Variants in NAV2 observed in about 807,000 individuals in gnomAD.
NAV2 encodes the protein helicase, APC down-regulated 1.
A neutral mutation model predicts 223.2 loss-of-function variants in NAV2; 54 were observed. The ratio of observed to expected loss-of-function variants is 0.24; its 90% confidence interval spans 0.19 to 0.30. The LOEUF is 0.30. Among genes scored for constraint, NAV2 ranks in the 10% least tolerant of loss-of-function variants. NAV2 has a pLI of 1.00. For synonymous variants in NAV2, 1,279 were observed against 1,239.3 expected (o/e 1.03, Z -0.67); for missense variants, 2,806 against 3,147.5 (o/e 0.89, Z 2.60).
intron 1 of NAV2, among the ~76,000 whole-genome samples, chr11:19,405,276 A>T (rs1849847749): frequency 6.6e-6 from 1 of 152,116 alleles, no homozygotes; most frequent in Non-Finnish European, 1.5e-5. Context: ...ATTTCCCCCA[A>T]ACAAATAGGG....
At chr11:19,935,052 T>G (rs1490985443) in intron 7 of NAV2, among the ~76,000 whole-genome samples, 1 of 152,144 alleles carries the variant, frequency 6.6e-6, no homozygotes, top group Non-Finnish European at 1.5e-5. Flanking sequence ...CACCCCTTGC[T>G]GAATGAGGCA....
intron 1 of NAV2, among the ~76,000 whole-genome samples, chr11:19,579,842 T>C (rs745453547): frequency 6.6e-6 from 1 of 152,182 alleles, no homozygotes; most frequent in African/African-American, 2.4e-5. Flanking sequence ...GGACACCACC[T>C]TGGAGACAAG....
intron 1 of NAV2, among the ~76,000 whole-genome samples, chr11:19,776,571 G>T (rs1037575854): frequency 1.6e-5 from 2 of 125,060 alleles, no homozygotes; most frequent in Non-Finnish European, 1.7e-5. Flanking sequence ...TGTGGGCTGG[G>T]GCAGGGGTGT....
chr11:19,492,501 G>T (rs908092215), intron 1 of NAV2, among the ~76,000 whole-genome samples: 4 of 152,034 alleles, frequency 2.6e-5, no homozygotes, highest in Admixed American at 1.3e-4. Flanking sequence ...TGTAGTTCTA[G>T]CAGCCATCTT....
At chr11:19,877,764 G>A (rs1173404381) in intron 4 of NAV2, among the ~76,000 whole-genome samples, 2 of 152,074 alleles carry the variant, frequency 1.3e-5, no homozygotes, top group African/African-American at 4.8e-5. Flanking sequence ...GAGCCACCGT[G>A]CCTGGCCGGC....
At chr11:19,832,355 A>T in intron 1 of NAV2, 129 bp from the exon 2 acceptor site, 1 of 706,652 alleles carries the variant, frequency 1.4e-6, no homozygotes, top group Non-Finnish European at 2.5e-6. Flanking sequence ...ACTGAATTTT[A>T]ATGGTGCTGG....
chr11:19,468,041 T>A (rs1338070457), intron 1 of NAV2, among the ~76,000 whole-genome samples: 1 of 151,940 alleles, frequency 6.6e-6, no homozygotes, highest in Non-Finnish European at 1.5e-5. Context: ...ATGAGGGTAA[T>A]GGTACATGGA....
chr11:19,345,798 C>A (rs571358562), upstream of NAV2, among the ~76,000 whole-genome samples: 2 of 152,196 alleles, frequency 1.3e-5, no homozygotes, highest in Non-Finnish European at 2.9e-5. The surrounding 1 kb of genome is among the most constrained non-coding windows in gnomAD (Gnocchi z 5.2). Context: ...TCTGGGCGTA[C>A]GTGCCTGAGG....
At chr11:19,639,907 G>A (rs1047362077) in intron 1 of NAV2, among the ~76,000 whole-genome samples, 1 of 152,206 alleles carries the variant, frequency 6.6e-6, no homozygotes, top group Non-Finnish European at 1.5e-5. Flanking sequence ...TCTATCTAAG[G>A]CCTGGTTGGC....
intron 1 of NAV2, among the ~76,000 whole-genome samples, chr11:19,514,786 A>G (rs2043391140): frequency 6.6e-6 from 1 of 151,976 alleles, no homozygotes; most frequent in Non-Finnish European, 1.5e-5. Context: ...CAAAGAGGGA[A>G]AAGCTTTGGA....
At chr11:20,081,626 ATAT>A (rs2060098299) in intron 25 of NAV2, among the ~76,000 whole-genome samples, 1 of 152,152 alleles carries the variant, frequency 6.6e-6, no homozygotes. Context: ...CTCTCTGGAA[ATAT>A]TATCAGAGGT....
intron 1 of NAV2, among the ~76,000 whole-genome samples, chr11:19,728,461 G>C (rs2051444327): frequency 1.3e-5 from 2 of 152,198 alleles, no homozygotes. Context: ...CTGAATTTGA[G>C]ACTAGCCCCC....
chr11:19,401,324 C>A (rs1224462240), intron 1 of NAV2, among the ~76,000 whole-genome samples: 13 of 152,218 alleles, frequency 8.5e-5, no homozygotes, highest in Non-Finnish European at 1.2e-4. Flanking sequence ...ACTGACTGCG[C>A]CAGCAGCCAC....
chr11:19,825,604 C>T (rs890670948), intron 1 of NAV2, among the ~76,000 whole-genome samples: 1 of 152,214 alleles, frequency 6.6e-6, no homozygotes, highest in Non-Finnish European at 1.5e-5. Context: ...CATTCTAGCA[C>T]TTTCAGTGCA....
chr11:19,947,637 CT>C (rs1021745668), intron 9 of NAV2, among the ~76,000 whole-genome samples: 3 of 152,154 alleles, frequency 2.0e-5, no homozygotes, highest in Non-Finnish European at 2.9e-5. Flanking sequence ...TCCAGTTTTC[CT>C]GTGAAGGTGC....
intron 1 of NAV2, among the ~76,000 whole-genome samples, chr11:19,735,898 G>T (rs1373018001): frequency 6.6e-6 from 1 of 152,218 alleles, no homozygotes; most frequent in Non-Finnish European, 1.5e-5. Context: ...CGGGGAGGAA[G>T]GAGCTAGAAT....
At chr11:19,677,844 G>A (rs1296113813) in intron 1 of NAV2, among the ~76,000 whole-genome samples, 1 of 152,218 alleles carries the variant, frequency 6.6e-6, no homozygotes, top group African/African-American at 2.4e-5. Flanking sequence ...GGGCAAGATT[G>A]AGTGGTTGCA....
chr11:20,093,167 G>A lies in NAV2; in HGVS notation c.5884G>A (p.Val1962Ile). The change falls in exon 29 of 38, where the codon GTC (valine) becomes ATC (isoleucine). Residue 1962 changes from valine to isoleucine, a missense_variant. Physicochemically the swap from Val to Ile is conservative, Grantham distance 29. Transcript: ENST00000349880. Reference protein sequence around the residue: ...KEGGRHVKIVVSFQEEMKWKE... With the variant: ...KEGGRHVKIVISFQEEMKWKE... ...AGGAGGCAGGCATGTTAAGATAGTT[G>A]TCAGCTTTCAGGAGGAAATGAAGTG... The A allele has an allele frequency of 6.2e-7, 1 of 1,614,012 alleles. No individual in the cohort carries two copies. The highest frequency in any genetic ancestry group is 1.3e-5 in the African/African-American group (1 of 75,014).
intron 1 of NAV2, among the ~76,000 whole-genome samples, chr11:19,735,829 G>A (rs1007833929): frequency 2.6e-5 from 4 of 151,934 alleles, no homozygotes; most frequent in East Asian, 1.9e-4. Context: ...TTTTTTCCCC[G>A]TGGTAAAAAT....
Sources: gnomAD v4.1 joint callset for allele counts (sites outside exome capture counted in the v4.1 genomes callset) on GRCh38, gnomAD v4.1.1 for gene constraint, Gnocchi (gnomAD v3.1) non-coding constraint, MANE v1.5 for transcripts, NCBI Gene and HGNC (gene_info 2026-07-23, HGNC 2026-07-21) for gene names.